Variants in DYNC2LI1 observed in about 807,000 individuals in gnomAD.
The protein encoded by DYNC2LI1 is cytoplasmic dynein 2 light intermediate chain 1.
DYNC2LI1 carries 45 observed loss-of-function variants against 51.9 expected under a neutral mutation model. The ratio of observed to expected loss-of-function variants is 0.87; its 90% CI spans 0.68 to 1.11. The LOEUF is 1.11. DYNC2LI1 is among the 50% of genes most tolerant of loss of function. The pLI is 0.00. For missense variants in DYNC2LI1, 490 were observed against 417.4 expected (o/e 1.17, Z -1.51); for synonymous variants, 130 against 137.8 (o/e 0.94, Z 0.40).
chr2:43,820,157 A>G, the DYNC2LI1 span: 22 of 1,552,804 alleles, frequency 1.4e-5, no homozygotes, highest in Non-Finnish European at 1.8e-5. Context: ...TAAGAAAAAT[A>G]CTGCACTTGC....
At chr2:43,800,126 A>G (rs1666025943) in intron 8 of DYNC2LI1, among the ~76,000 whole-genome samples, 1 of 152,212 alleles carries the variant, frequency 6.6e-6, no homozygotes, top group Non-Finnish European at 1.5e-5. Flanking sequence ...GACTTTTGGT[A>G]TCTACAGAAA....
chr2:43,809,232 T>C (rs560733775), intron 12 of DYNC2LI1, among the ~76,000 whole-genome samples: 3 of 152,252 alleles, frequency 2.0e-5, no homozygotes, highest in East Asian at 1.9e-4. Flanking sequence ...GCTCAAGCAA[T>C]TCTCCTGCCC....
At chr2:43,793,724 AGCCACCATCCCTG>A (rs1246150478) in intron 5 of DYNC2LI1, 2 of 151,872 alleles carry the variant, frequency 1.3e-5, no homozygotes, top group African/African-American at 4.8e-5. Flanking sequence ...TACAGACATG[AGCCACCATCCCTG>A]GCCTCTTTGC....
downstream of DYNC2LI1, chr2:43,813,323 G>A (rs1666581984): frequency 1.9e-6 from 3 of 1,567,772 alleles, no homozygotes; most frequent in Non-Finnish European, 2.6e-6. Context: ...TCAAGGAAAA[G>A]ATTGACAGTG....
intron 6 of DYNC2LI1, 28 bp downstream of exon 6, chr2:43,794,671 G>T: frequency 6.2e-7 from 1 of 1,613,898 alleles, no homozygotes; most frequent in Non-Finnish European, 8.5e-7. Context: ...ATTATTACTG[G>T]AATCCTTAGT....
At position 43,783,525 on chromosome 2, in the gene DYNC2LI1, G is replaced by C; in HGVS notation, c.132G>C (p.Lys44Asn). The stretch of plus-strand genomic sequence containing the variant: ...CCTTCTTTTTTAATTTCCAGGGAAA[G>C]ACTACTATTATTCTAAGGTGTCTTG... Reference protein sequence around the residue: ...VFFIGSKNGGKTTIILRCLDR... With the variant: ...VFFIGSKNGGNTTIILRCLDR... Residue 44 changes from lysine to asparagine, a missense_variant, in exon 3 of 13, where the codon AAG becomes AAC. Transcript: ENST00000260605. The C allele has an allele frequency of 6.5e-7, 1 of 1,531,826 alleles. No homozygotes were observed. The highest frequency in any genetic ancestry group is 8.7e-7 in the Non-Finnish European group (1 of 1,145,048). The allele number at this position is 1,531,826 out of a possible 1,614,324, so 94.9% of individuals were successfully genotyped here. A position where few individuals can be genotyped will look rare whatever the true frequency, so the allele number is the denominator to read the frequency against.
intron 4 of DYNC2LI1, among the ~76,000 whole-genome samples, chr2:43,787,839 T>C (rs1558675265): frequency 6.6e-6 from 1 of 152,130 alleles, no homozygotes; most frequent in African/African-American, 2.4e-5. Flanking sequence ...TTCTTAAAGT[T>C]AAGTGTGTAG....
the DYNC2LI1 span, among the ~76,000 whole-genome samples, chr2:43,818,728 T>G: frequency 6.6e-6 from 1 of 152,160 alleles, no homozygotes; most frequent in Non-Finnish European, 1.5e-5. Flanking sequence ...TGAAAAAATA[T>G]CCTCCTTGAT....
intron 12 of DYNC2LI1, among the ~76,000 whole-genome samples, chr2:43,806,556 T>C (rs921294862): frequency 1.3e-5 from 2 of 152,200 alleles, no homozygotes; most frequent in African/African-American, 2.4e-5. Context: ...GTAACCCTTA[T>C]TATGTTTGCA....
intron 1 of DYNC2LI1, among the ~76,000 whole-genome samples, chr2:43,775,493 T>A (rs985960012): frequency 2.0e-5 from 3 of 151,742 alleles, no homozygotes; most frequent in Non-Finnish European, 4.4e-5. Flanking sequence ...TCTTTCTTTC[T>A]TTATGGTTTT....
intron 2 of DYNC2LI1, among the ~76,000 whole-genome samples, chr2:43,782,820 A>G (rs1673353368): frequency 6.6e-6 from 1 of 152,044 alleles, no homozygotes; most frequent in South Asian, 2.1e-4. Context: ...TGTTTCTACT[A>G]AAAATACAAA....
At chr2:43,779,810 T>C (rs1673190701) in intron 2 of DYNC2LI1, among the ~76,000 whole-genome samples, 1 of 152,212 alleles carries the variant, frequency 6.6e-6, no homozygotes, top group South Asian at 2.1e-4. Flanking sequence ...TTTTCAGTCA[T>C]TGTTGACTGC....
At position 43,804,680 on chromosome 2, in the gene DYNC2LI1, C is replaced by T. The variant is rs1296373129; in HGVS notation, c.841C>T (p.His281Tyr). ...PVPENDIGKL[H>Y]AHSPMELWKK... ...TCCTGAAAATGACATTGGAAAGCTTCATGCCCACTCACCTATGGAGTTGTG... is the reference window on the plus strand; with the variant it reads ...TCCTGAAAATGACATTGGAAAGCTTTATGCCCACTCACCTATGGAGTTGTG... The change falls in exon 11 of 13, where the codon CAT becomes TAT. Residue 281 changes from histidine to tyrosine, a missense_variant. Transcript: ENST00000260605. 7 of 1,609,392 alleles carry T rather than the reference C, an allele frequency of 4.3e-6. No homozygotes were observed. Among genetic ancestry groups the T allele is most frequent in the Middle Eastern group, 1.7e-4 (1 of 6,038 alleles).
rs368125084 is a variant in DYNC2LI1, at chr2:43,801,686, G to A, written c.779G>A (p.Gly260Glu). Residue 260 changes from glycine (G) to glutamate (E), a missense_variant, in exon 10 of 13, where the codon GGA becomes GAA. Physicochemically the swap from Gly to Glu is moderately conservative, Grantham distance 98. Coordinates refer to ENST00000260605, the MANE Select transcript of DYNC2LI1 (RefSeq NM_016008.4). ...DQNKPLFITA[G>E]LDSFGQIGSP... ...AATAAACCGCTGTTTATCACAGCAG[G>A]ATTGGATTCTTTCGGTCAAATAGGT... 1 of 1,609,714 alleles carries A rather than the reference G, an allele frequency of 6.2e-7. No individual in the cohort carries two copies. Among genetic ancestry groups the A allele is most frequent in the Non-Finnish European group, 8.5e-7 (1 of 1,177,848 alleles).
the DYNC2LI1 span, among the ~76,000 whole-genome samples, chr2:43,821,876 C>T: frequency 6.6e-6 from 1 of 152,014 alleles, no homozygotes; most frequent in Non-Finnish European, 1.5e-5. Context: ...CTCTCTCTCT[C>T]CCCCTCTCTT....
chr2:43,808,856 C>A (rs1041176732), intron 12 of DYNC2LI1, among the ~76,000 whole-genome samples: 2 of 152,042 alleles, frequency 1.3e-5, no homozygotes, highest in African/African-American at 4.8e-5. Flanking sequence ...AAAGTTGTTT[C>A]CAGTTGTGCT....
At chr2:43,825,863 T>C in the DYNC2LI1 span, among the ~76,000 whole-genome samples, 1 of 152,196 alleles carries the variant, frequency 6.6e-6, no homozygotes, top group Non-Finnish European at 1.5e-5. Flanking sequence ...GCAGATGAAA[T>C]GAGCTATGTA....
the DYNC2LI1 span, chr2:43,823,768 T>C: frequency 1.2e-6 from 1 of 863,934 alleles, no homozygotes; most frequent in South Asian, 1.8e-5. Context: ...ACTCAATAGT[T>C]GCCTTTCCCC....
At chr2:43,791,597 G>A (rs1258479281) in intron 5 of DYNC2LI1, among the ~76,000 whole-genome samples, 1 of 152,100 alleles carries the variant, frequency 6.6e-6, no homozygotes, top group Non-Finnish European at 1.5e-5. Flanking sequence ...GTAGGTTGCT[G>A]GGTGGTTAAA....
Sources: gnomAD v4.1 joint callset for allele counts (sites outside exome capture counted in the v4.1 genomes callset) on GRCh38, gnomAD v4.1.1 for gene constraint, MANE v1.5 for transcripts, NCBI Gene and HGNC (gene_info 2026-07-23, HGNC 2026-07-21) for gene names.